Variants in RGS6 observed in about 807,000 individuals in gnomAD.
The protein encoded by RGS6 is regulator of G protein signaling 6.
In RGS6, 30 loss-of-function variants were observed where a neutral mutation model predicts 78.5. That is an observed-to-expected ratio of 0.38 (90% CI 0.29 to 0.52). RGS6 has a LOEUF of 0.52. RGS6 is among the 20% of genes least tolerant of loss of function. The pLI is 0.85. For synonymous variants in RGS6, 206 were observed against 206.0 expected (o/e 1.00, Z 0.00); for missense variants, 495 against 609.7 (o/e 0.81, Z 1.98).
intron 1 of RGS6, among the ~76,000 whole-genome samples, chr14:71,957,873 C>T (rs933423511): frequency 2.6e-5 from 4 of 152,052 alleles, no homozygotes; most frequent in Non-Finnish European, 4.4e-5. Flanking sequence ...TCAAGTGATC[C>T]TCCCACATCA....
intron 3 of RGS6, among the ~76,000 whole-genome samples, chr14:72,404,200 G>C (rs2092716621): frequency 6.6e-6 from 1 of 151,892 alleles, no homozygotes; most frequent in Admixed American, 6.6e-5. Context: ...GGAGGTGTAG[G>C]TCAAAGTCGT....
intron 2 of RGS6, among the ~76,000 whole-genome samples, chr14:72,213,229 T>A (rs766998920): frequency 1.3e-5 from 2 of 152,172 alleles, no homozygotes; most frequent in Admixed American, 1.3e-4. Context: ...CTGGGAGCTA[T>A]GAAATAGACA....
intron 12 of RGS6, among the ~76,000 whole-genome samples, chr14:72,487,717 G>A (rs763321037): frequency 6.6e-6 from 1 of 152,148 alleles, no homozygotes; most frequent in Non-Finnish European, 1.5e-5. Context: ...CCTCCAGAAG[G>A]AACATCGCCC....
chr14:72,257,352 A>G (rs2057289916), intron 2 of RGS6, among the ~76,000 whole-genome samples: 1 of 152,166 alleles, frequency 6.6e-6, no homozygotes, highest in South Asian at 2.1e-4. Context: ...TAGTGTTGTT[A>G]GTATATAGAA....
chr14:72,393,562 G>A (rs1478841475), intron 3 of RGS6, among the ~76,000 whole-genome samples: 1 of 152,126 alleles, frequency 6.6e-6, no homozygotes, highest in Non-Finnish European at 1.5e-5. Flanking sequence ...TAGAACCCAA[G>A]TCTCCCAACT....
At chr14:72,387,031 C>T (rs1326615283) in intron 3 of RGS6, among the ~76,000 whole-genome samples, 2 of 152,072 alleles carry the variant, frequency 1.3e-5, no homozygotes, top group African/African-American at 2.4e-5. Flanking sequence ...TACCAACACT[C>T]ATCAAACTGT....
At chr14:72,484,931 ATTT>A (rs550497245) in intron 12 of RGS6, among the ~76,000 whole-genome samples, 4,466 of 117,952 alleles carry the variant, frequency 0.038, 85 homozygotes, top group Middle Eastern at 0.071. Flanking sequence ...CATCTGGTAG[ATTT>A]TTTTTTTTTT....
chr14:72,563,008 C>T lies in RGS6; in HGVS notation c.*541C>T, dbSNP rs947205304. 2.5e-5 allele frequency: 14 copies of T among 564,918 alleles called. No individual in the cohort carries two copies. Among genetic ancestry groups the T allele is most frequent in the African/African-American group, 2.4e-4 (13 of 53,096 alleles). The allele number at this position is 564,918 out of a possible 1,614,324, so 35.0% of individuals were successfully genotyped here. A position where few individuals can be genotyped will look rare whatever the true frequency, so the allele number is the denominator to read the frequency against. On this transcript the variant is annotated 3_prime_UTR_variant, in exon 18 of 18. Coordinates refer to ENST00000553525, the MANE Select transcript of RGS6 (RefSeq NM_001204424.2). ...GCCACCCGGGTGTCACTGCCAGCAC[C>T]AGGCACTGCTTTCACGTAAAATGTC... is the stretch of plus-strand genomic sequence containing the variant.
intron 6 of RGS6, among the ~76,000 whole-genome samples, chr14:72,463,489 G>A (rs146431524): frequency 1.2e-3 from 178 of 152,330 alleles, no homozygotes; most frequent in African/African-American, 4.3e-3. Context: ...TGTGACTCAT[G>A]GCCATCAGGA....
At chr14:72,227,580 A>T (rs966512754) in intron 2 of RGS6, among the ~76,000 whole-genome samples, 1 of 152,244 alleles carries the variant, frequency 6.6e-6, no homozygotes. Context: ...ATTGTTCATA[A>T]GCACAAGCAA....
intron 3 of RGS6, among the ~76,000 whole-genome samples, chr14:72,357,253 C>G (rs569195832): frequency 2.7e-5 from 4 of 150,630 alleles, no homozygotes; most frequent in Non-Finnish European, 5.9e-5. Flanking sequence ...GTCTGTGAGA[C>G]CCTGTCTCAG....
the RGS6 span, among the ~76,000 whole-genome samples, chr14:71,909,551 GGA>G: frequency 3.0e-4 from 37 of 121,432 alleles, 1 homozygote; most frequent in African/African-American, 1.1e-3. Flanking sequence ...AGACAGAGAG[GGA>G]GAGAGAGAGA....
chr14:72,406,259 C>T (rs1194029743), intron 3 of RGS6, among the ~76,000 whole-genome samples: 1 of 152,152 alleles, frequency 6.6e-6, no homozygotes, highest in Non-Finnish European at 1.5e-5. Flanking sequence ...TGGCACACGC[C>T]TGTAGTCCCA....
chr14:71,968,013 C>T (rs1651604736), intron 2 of RGS6, among the ~76,000 whole-genome samples: 1 of 152,064 alleles, frequency 6.6e-6, no homozygotes, highest in South Asian at 2.1e-4. Flanking sequence ...AGTTTTTCAT[C>T]CCTCATATTC....
At chr14:72,245,368 C>G (rs553707146) in intron 2 of RGS6, among the ~76,000 whole-genome samples, 2 of 152,328 alleles carry the variant, frequency 1.3e-5, no homozygotes, top group African/African-American at 2.4e-5. Context: ...CTGAGAGCCC[C>G]AAACAGAGAT....
chr14:72,276,915 T>C (rs984561246), intron 2 of RGS6, among the ~76,000 whole-genome samples: 1 of 152,124 alleles, frequency 6.6e-6, no homozygotes, highest in African/African-American at 2.4e-5. Context: ...AATTTAAATA[T>C]CCAACTTCTA....
At chr14:72,481,981 T>C (rs1403922692) in intron 12 of RGS6, among the ~76,000 whole-genome samples, 1 of 151,948 alleles carries the variant, frequency 6.6e-6, no homozygotes, top group Non-Finnish European at 1.5e-5. Flanking sequence ...GCTAATTTTT[T>C]TGTATTTTTT....
At chr14:72,183,378 T>C (rs1295087474) in intron 2 of RGS6, among the ~76,000 whole-genome samples, 1 of 152,208 alleles carries the variant, frequency 6.6e-6, no homozygotes. Flanking sequence ...CAGTGTAGCC[T>C]TTTGTATAAT....
At chr14:72,065,926 C>G (rs1206742821) in intron 2 of RGS6, among the ~76,000 whole-genome samples, 1 of 151,038 alleles carries the variant, frequency 6.6e-6, no homozygotes, top group Non-Finnish European at 1.5e-5. Context: ...TCCCCCCCTC[C>G]CCCCAGCCCA....
Sources: gnomAD v4.1 joint callset for allele counts (sites outside exome capture counted in the v4.1 genomes callset) on GRCh38, gnomAD v4.1.1 for gene constraint, MANE v1.5 for transcripts, NCBI Gene and HGNC (gene_info 2026-07-23, HGNC 2026-07-21) for gene names.